SND1: variants seen among roughly 807,000 people sequenced by gnomAD.
SND1 encodes the protein staphylococcal nuclease domain-containing protein 1.
A neutral mutation model predicts 121.7 loss-of-function variants in SND1; 38 were observed. The ratio of observed to expected loss-of-function variants is 0.31; its 90% CI spans 0.24 to 0.41. The LOEUF (loss-of-function observed/expected upper bound fraction) is 0.41, where lower values mean the gene tolerates loss of function less well. Among genes scored for constraint, SND1 ranks in the 10% least tolerant of loss-of-function variants. The pLI is 1.00. For synonymous variants in SND1, 401 were observed against 447.4 expected (o/e 0.90, Z 1.31); for missense variants, 868 against 1,184.6 (o/e 0.73, Z 3.92).
At chr7:128,033,887 T>C (rs1365299796) in intron 16 of SND1, among the ~76,000 whole-genome samples, 1 of 152,212 alleles carries the variant, frequency 6.6e-6, no homozygotes, top group South Asian at 2.1e-4. Flanking sequence ...TCAGGTTTCA[T>C]TCATCCACTT....
intron 10 of SND1, among the ~76,000 whole-genome samples, chr7:127,784,281 A>T (rs1392562996): frequency 2.0e-5 from 3 of 152,128 alleles, no homozygotes. Flanking sequence ...TTTGCATTCT[A>T]CAGGTTAACG....
At chr7:127,925,049 G>A (rs922144290) in intron 14 of SND1, among the ~76,000 whole-genome samples, 8 of 152,188 alleles carry the variant, frequency 5.3e-5, no homozygotes, top group African/African-American at 1.9e-4. Context: ...TTGAAATGAA[G>A]TCACCCCAGG....
At chr7:127,664,981 C>T (rs1373755301) in intron 1 of SND1, among the ~76,000 whole-genome samples, 8 of 152,124 alleles carry the variant, frequency 5.3e-5, no homozygotes, top group South Asian at 2.1e-4. Context: ...ATATCTGGCA[C>T]GGAGAACACT....
At chr7:127,653,951 T>A (rs1332403920) in intron 1 of SND1, among the ~76,000 whole-genome samples, 1 of 152,220 alleles carries the variant, frequency 6.6e-6, no homozygotes, top group Non-Finnish European at 1.5e-5. Flanking sequence ...GGCTCTTCTT[T>A]CGTTAGCTTT....
chr7:128,024,685 G>A (rs753325371), intron 16 of SND1, among the ~76,000 whole-genome samples: 7 of 152,160 alleles, frequency 4.6e-5, no homozygotes, highest in African/African-American at 9.7e-5. Context: ...AATGTCTCTA[G>A]GCCTTAGAAA....
At chr7:127,922,295 G>C (rs574092964) in intron 14 of SND1, among the ~76,000 whole-genome samples, 1 of 142,884 alleles carries the variant, frequency 7.0e-6, no homozygotes. Context: ...AACATTACAG[G>C]CATGAGGCCA....
chr7:128,025,520 C>T (rs1173261441), intron 16 of SND1, among the ~76,000 whole-genome samples: 1 of 152,200 alleles, frequency 6.6e-6, no homozygotes, highest in Non-Finnish European at 1.5e-5. Flanking sequence ...GTTGCTATAA[C>T]TACCCCCTAA....
chr7:127,680,493 G>A (rs941813041), intron 1 of SND1, among the ~76,000 whole-genome samples: 2 of 152,050 alleles, frequency 1.3e-5, no homozygotes, highest in African/African-American at 4.8e-5. Flanking sequence ...ACCCTCAGGG[G>A]CACATTCTCT....
chr7:127,761,446 G>C (rs1797304729), intron 10 of SND1, among the ~76,000 whole-genome samples: 2 of 151,252 alleles, frequency 1.3e-5, no homozygotes, highest in Admixed American at 1.3e-4. Context: ...TCAGTTAGCT[G>C]AGAAAGTATC....
At chr7:128,006,925 A>G (rs1331843068) in intron 16 of SND1, among the ~76,000 whole-genome samples, 1 of 152,270 alleles carries the variant, frequency 6.6e-6, no homozygotes, top group Non-Finnish European at 1.5e-5. Flanking sequence ...CCGAGCACAC[A>G]GCCAGCCTTC....
intron 16 of SND1, among the ~76,000 whole-genome samples, chr7:127,993,125 A>T (rs929200332): frequency 4.6e-5 from 7 of 152,198 alleles, no homozygotes; most frequent in Non-Finnish European, 8.8e-5. Context: ...AGAAAATGTG[A>T]GTATGTCCTA....
rs575941340 is a variant in SND1, at chr7:127,709,454, G to T, written c.1038+1807G>T. ...CCTGTCCTCTATTAAAACTGAGTTT[G>T]TAGAAAAACCTAGAATATTTTGAAG... On this transcript the variant is annotated intron_variant, in intron 9 of 23. Coordinates refer to ENST00000354725, the MANE Select transcript of SND1 (RefSeq NM_014390.4). Among the ~76,000 whole-genome samples, 4 of 152,290 alleles carry T rather than the reference G, an allele frequency of 2.6e-5. No individual in the cohort carries two copies. In the South Asian group the frequency reaches 8.3e-4, roughly 32 times the overall value.
Position 128,091,875 on chromosome 7 carries a change from C to T in SND1, c.2661C>T (p.Ser887=), listed in dbSNP as rs767963514. The T allele has an allele frequency of 8.1e-6, 13 of 1,614,168 alleles. No individual in the cohort carries two copies. Among genetic ancestry groups the T allele is most frequent in the Middle Eastern group, 3.3e-4 (2 of 6,062 alleles). ...TGAATGCCCAAGAGTCAGCCAAGAG[C>T]GCCAGGGTGAGTTCTTACCTTGGGA... The part of the protein sequence containing the change: ...EYLNAQESAK[S]ARLNLWRYGD... The change falls in exon 23 of 24, where the codon AGC becomes AGT. Residue 887 remains serine, a synonymous_variant. Coordinates refer to ENST00000354725, the MANE Select transcript of SND1 (RefSeq NM_014390.4).
intron 12 of SND1, among the ~76,000 whole-genome samples, chr7:127,870,203 A>G (rs1485001744): frequency 1.3e-5 from 2 of 151,974 alleles, no homozygotes; most frequent in African/African-American, 4.8e-5. Context: ...GTAGTCACCA[A>G]CTCCATCTGC....
chr7:128,080,954 C>T (rs566216023), intron 17 of SND1, among the ~76,000 whole-genome samples: 1 of 151,856 alleles, frequency 6.6e-6, no homozygotes, highest in Non-Finnish European at 1.5e-5. Flanking sequence ...GTCACTCGCC[C>T]AGGGCCGATC....
At chr7:127,748,880 T>TG (rs796487509) in intron 10 of SND1, among the ~76,000 whole-genome samples, 20 of 152,212 alleles carry the variant, frequency 1.3e-4, no homozygotes, top group African/African-American at 4.3e-4. Context: ...CTCCAAACCT[T>TG]GAGTATAGAC....
chr7:127,744,357 G>A (rs1796940029), intron 10 of SND1, among the ~76,000 whole-genome samples: 1 of 151,728 alleles, frequency 6.6e-6, no homozygotes, highest in Non-Finnish European at 1.5e-5. Flanking sequence ...TATATATACT[G>A]TGACTGTTTT....
At chr7:127,715,685 C>T (rs1319085799) in intron 9 of SND1, among the ~76,000 whole-genome samples, 1 of 152,220 alleles carries the variant, frequency 6.6e-6, no homozygotes, top group East Asian at 1.9e-4. Context: ...CCTATTTTGT[C>T]AGTTGCCTTT....
chr7:127,883,524 ATTT>A (rs778266114), intron 12 of SND1, among the ~76,000 whole-genome samples: 4 of 152,170 alleles, frequency 2.6e-5, no homozygotes, highest in Non-Finnish European at 5.9e-5. Flanking sequence ...CCTTTCAACT[ATTT>A]AAGAGCAACT....
Sources: allele counts gnomAD v4.1 joint callset (sites outside exome capture counted in the v4.1 genomes callset), GRCh38; gene constraint gnomAD v4.1.1; transcripts MANE v1.5; gene names NCBI Gene and HGNC (gene_info 2026-07-23, HGNC 2026-07-21).